Variants in LRMDA observed in about 807,000 individuals in gnomAD.
The protein encoded by LRMDA is leucine-rich melanocyte differentiation-associated protein.
Under a neutral mutation model 29.8 loss-of-function variants are expected in LRMDA, and 18 were observed. The ratio of observed to expected loss-of-function variants is 0.60; its 90% CI spans 0.42 to 0.90. The LOEUF (loss-of-function observed/expected upper bound fraction) is 0.90, where lower values mean the gene tolerates loss of function less well. LRMDA is among the 40% of genes least tolerant of loss of function. The pLI, the probability that LRMDA is intolerant of heterozygous loss-of-function variation, is 0.00. For missense variants in LRMDA, 273 were observed against 273.9 expected (o/e 1.00, Z 0.02); for synonymous variants, 125 against 109.4 (o/e 1.14, Z -0.89).
At chr10:76,000,881 C>T (rs1847551573) in intron 2 of LRMDA, among the ~76,000 whole-genome samples, 1 of 152,134 alleles carries the variant, frequency 6.6e-6, no homozygotes, top group Non-Finnish European at 1.5e-5. Flanking sequence ...CTGCTTCCCT[C>T]CCTTCCCGCT....
At chr10:76,199,068 G>T (rs960176) in intron 5 of LRMDA, among the ~76,000 whole-genome samples, 1 of 152,038 alleles carries the variant, frequency 6.6e-6, no homozygotes, top group African/African-American at 2.4e-5. Context: ...AATGACTAAG[G>T]TATAGGGTAT....
intron 6 of LRMDA, among the ~76,000 whole-genome samples, chr10:76,495,417 A>G (rs1297368581): frequency 1.3e-5 from 2 of 151,856 alleles, no homozygotes; most frequent in Non-Finnish European, 2.9e-5. Flanking sequence ...TATTAGACAT[A>G]TATAATAAAC....
intron 2 of LRMDA, among the ~76,000 whole-genome samples, chr10:75,597,763 C>T (rs773475846): frequency 3.9e-5 from 6 of 152,268 alleles, no homozygotes; most frequent in East Asian, 1.9e-4. Flanking sequence ...GCAGGAGGCA[C>T]GCCATTGCTT....
chr10:75,754,001 C>T (rs547038042), intron 2 of LRMDA, among the ~76,000 whole-genome samples: 3 of 152,334 alleles, frequency 2.0e-5, no homozygotes, highest in East Asian at 1.9e-4. Context: ...TGGTGAATTA[C>T]GGCTATGGGA....
intron 6 of LRMDA, among the ~76,000 whole-genome samples, chr10:76,330,093 A>G (rs1840886367): frequency 6.6e-6 from 1 of 152,230 alleles, no homozygotes; most frequent in African/African-American, 2.4e-5. Context: ...AAAGGAAGTT[A>G]CTTGATGACT....
At chr10:75,674,602 C>T (rs1365130391) in intron 2 of LRMDA, among the ~76,000 whole-genome samples, 2 of 152,172 alleles carry the variant, frequency 1.3e-5, no homozygotes, top group East Asian at 1.9e-4. Context: ...AAGAGGCCAC[C>T]GCTTCAGATA....
At chr10:75,612,524 C>G (rs1841045215) in intron 2 of LRMDA, among the ~76,000 whole-genome samples, 1 of 151,896 alleles carries the variant, frequency 6.6e-6, no homozygotes, top group Non-Finnish European at 1.5e-5. Context: ...AGTAATTGAA[C>G]TGATCAAGAT....
chr10:75,582,436 G>A (rs1305013073), intron 2 of LRMDA, among the ~76,000 whole-genome samples: 1 of 152,196 alleles, frequency 6.6e-6, no homozygotes, highest in African/African-American at 2.4e-5. Flanking sequence ...CTGAAGCAGT[G>A]GCCCAAGCTG....
intron 6 of LRMDA, among the ~76,000 whole-genome samples, chr10:76,518,089 G>A (rs1263955544): frequency 6.6e-6 from 1 of 151,600 alleles, no homozygotes; most frequent in Non-Finnish European, 1.5e-5. Context: ...GTGAACTACC[G>A]ACATTGTCCT....
intron 5 of LRMDA, among the ~76,000 whole-genome samples, chr10:76,182,999 C>A (rs1302871868): frequency 6.6e-6 from 1 of 152,108 alleles, no homozygotes; most frequent in Non-Finnish European, 1.5e-5. Context: ...AACCCATAGC[C>A]CAGACTCTGC....
rs184888384 is a variant in LRMDA, at chr10:75,574,855, C to A, written c.131+136361C>A. On this transcript the variant is annotated intron_variant, in intron 2 of 6. Transcript: ENST00000611255. ...TCATATTTAAAACTGCTGTATTAGT[C>A]CATTCTCACACTGCTATAAAGAAAT... is the stretch of plus-strand genomic sequence containing the variant. 6.6e-5 allele frequency among the ~76,000 whole-genome samples: 10 copies of A among 152,258 alleles called. 1 individual carries two copies. Among genetic ancestry groups the A allele is most frequent in the African/African-American group, 2.4e-4 (10 of 41,538 alleles).
chr10:75,845,909 T>C (rs186376781), intron 2 of LRMDA, among the ~76,000 whole-genome samples: 1 of 152,296 alleles, frequency 6.6e-6, no homozygotes, highest in East Asian at 1.9e-4. Flanking sequence ...ACTTAGTTTT[T>C]CTCAGTCTAC....
In LRMDA at chr10:76,379,008, C is replaced by T. The variant is rs537057247; in HGVS notation, c.601+54523C>T. Among the ~76,000 whole-genome samples the T allele has an allele frequency of 2.3e-3, 344 of 152,062 alleles. 5 individuals are homozygous for T. The Middle Eastern group carries it at 0.031, about 14-fold the overall frequency. On this transcript the variant is annotated intron_variant, in intron 6 of 6. Transcript: ENST00000611255. ...GGTAGCTGGTATTACAGGCATGCGC[C>T]ACCACGCTCAGCTACTTTTTATATT...
chr10:76,059,056 G>A (rs947594601), intron 5 of LRMDA, among the ~76,000 whole-genome samples: 1 of 152,182 alleles, frequency 6.6e-6, no homozygotes, highest in African/African-American at 2.4e-5. Flanking sequence ...TTCACTAAGT[G>A]GGGCCTCTGC....
At chr10:76,170,543 A>G (rs374758729) in intron 5 of LRMDA, among the ~76,000 whole-genome samples, 1 of 152,212 alleles carries the variant, frequency 6.6e-6, no homozygotes, top group Non-Finnish European at 1.5e-5. Context: ...AGTCTAGCTC[A>G]GTTTCTCATA....
intron 2 of LRMDA, among the ~76,000 whole-genome samples, chr10:75,691,914 C>T (rs1014337913): frequency 2.6e-5 from 4 of 152,124 alleles, no homozygotes; most frequent in Non-Finnish European, 4.4e-5. Flanking sequence ...GACTCACATT[C>T]GAAATATGGC....
intron 2 of LRMDA, among the ~76,000 whole-genome samples, chr10:75,454,567 G>C (rs1385771860): frequency 1.3e-5 from 2 of 152,292 alleles, no homozygotes; most frequent in African/African-American, 4.8e-5. Context: ...TTATTTTTCA[G>C]AATGTATTCC....
intron 5 of LRMDA, among the ~76,000 whole-genome samples, chr10:76,142,812 G>A (rs1850229814): frequency 6.6e-6 from 1 of 151,362 alleles, no homozygotes; most frequent in Non-Finnish European, 1.5e-5. Flanking sequence ...TTTAGCATTA[G>A]GTATATCTCC....
At chr10:75,915,174 C>T (rs1308280946) in intron 2 of LRMDA, among the ~76,000 whole-genome samples, 2 of 137,216 alleles carry the variant, frequency 1.5e-5, no homozygotes, top group Non-Finnish European at 3.0e-5. Flanking sequence ...CCCTGTCACC[C>T]AGGCTGAAGT....
Sources: gnomAD v4.1 joint callset for allele counts (sites outside exome capture counted in the v4.1 genomes callset) on GRCh38, gnomAD v4.1.1 for gene constraint, MANE v1.5 for transcripts, NCBI Gene and HGNC (gene_info 2026-07-23, HGNC 2026-07-21) for gene names.